TFF3: variants seen among roughly 807,000 people sequenced by gnomAD.
TFF3 encodes the protein polypeptide P1.B.
TFF3 carries 6 observed loss-of-function variants against 9.7 expected under a neutral mutation model. That is an observed-to-expected ratio of 0.62 (90% confidence interval 0.34 to 1.22). The LOEUF (loss-of-function observed/expected upper bound fraction) is 1.22, where lower values mean the gene tolerates loss of function less well. TFF3 is among the 50% of genes most tolerant of loss of function. TFF3 has a pLI of 0.04. For synonymous variants in TFF3, 48 were observed against 41.4 expected (o/e 1.16, Z -0.61); for missense variants, 93 against 98.6 (o/e 0.94, Z 0.24).
chr21:42,312,402 C>A, intron 2 of TFF3, 133 bp from the exon 3 acceptor site: 1 of 1,065,528 alleles, frequency 9.4e-7, no homozygotes, highest in Non-Finnish European at 1.4e-6. Context: ...AGTGTTGAGT[C>A]CCCACCACAT....
Position 42,312,189 on chromosome 21 carries a change from A to G in TFF3, c.*67T>C. On this transcript the variant is annotated 3_prime_UTR_variant, in exon 3 of 3. Coordinates refer to ENST00000518498, the MANE Select transcript of TFF3 (RefSeq NM_003226.4). ...AAAGCTGAGATGAACAGTGCCTGGC[A>G]GCAATCACAGCCGGGCAAGGGTGCT... The G allele has an allele frequency of 1.2e-6, 2 of 1,604,902 alleles. No individual in the cohort carries two copies. The highest frequency in any genetic ancestry group is 1.1e-5 in the South Asian group (1 of 90,916).
At position 42,313,365 on chromosome 21, in the gene TFF3, T is replaced by A; in HGVS notation, c.229+120A>T. 8.1e-7 allele frequency: 1 copy of A among 1,230,086 alleles called. No homozygotes were observed. The highest frequency in any genetic ancestry group is 1.6e-5 in the South Asian group (1 of 64,356). The allele number at this position is 1,230,086 out of a possible 1,614,324, so 76.2% of individuals were successfully genotyped here. ...CTGCTCTGAGGCCTTGGAACAGGTGTGTGTGTGTGGCTTCCTGGGGTCCTT... is the reference window on the plus strand; with the variant it reads ...CTGCTCTGAGGCCTTGGAACAGGTGAGTGTGTGTGGCTTCCTGGGGTCCTT... On this transcript the variant is annotated intron_variant, in intron 2 of 2. Transcript: ENST00000518498. The surrounding 1 kb of genome is among the most constrained non-coding windows in gnomAD (Gnocchi z 4.0).
Position 42,311,716 on chromosome 21 carries a change from T to C in TFF3, c.*540A>G, listed in dbSNP as rs1432678659. 1.7e-5 allele frequency: 3 copies of C among 180,240 alleles called. No homozygotes were observed. The highest frequency in any genetic ancestry group is 7.2e-5 in the African/African-American group (3 of 41,752). 11.2% of individuals were successfully genotyped at this position (180,240 alleles called of 1,614,324 possible). A position where few individuals can be genotyped will look rare whatever the true frequency, so the allele number is the denominator to read the frequency against. ...TGTACAAAGAAACAAAACCCAGGAA[T>C]AGTACAAGTATTGAACAGTAGCGAG... is the stretch of plus-strand genomic sequence containing the variant. On this transcript the variant is annotated 3_prime_UTR_variant, in exon 3 of 3. Coordinates refer to ENST00000518498, the MANE Select transcript of TFF3 (RefSeq NM_003226.4).
At chr21:42,312,384 C>A (rs923624849) in intron 2 of TFF3, 115 bp from the exon 3 acceptor site, 1 of 1,310,246 alleles carries the variant, frequency 7.6e-7, no homozygotes, top group South Asian at 1.4e-5. Flanking sequence ...TCCCCAGAGT[C>A]ACCGGGGAGT....
chr21:42,313,557 T>G lies in TFF3; in HGVS notation c.157A>C (p.Asn53His). ...GAGTCAAAGCAGCAGCCCCGGTTGTTGCACTCCTTGGGGGTGACATGGGGG... is the reference window on the plus strand; with the variant it reads ...GAGTCAAAGCAGCAGCCCCGGTTGTGGCACTCCTTGGGGGTGACATGGGGG... ...GYPHVTPKECNNRGCCFDSRI... is the reference protein window; with the variant it reads ...GYPHVTPKECHNRGCCFDSRI... The change falls in exon 2 of 3, where the codon AAC becomes CAC. Residue 53 changes from asparagine (N) to histidine (H), a missense_variant. Asn to His is a moderately conservative substitution (Grantham distance 68). Coordinates refer to ENST00000518498, the MANE Select transcript of TFF3 (RefSeq NM_003226.4). The surrounding 1 kb of genome is among the most constrained non-coding windows in gnomAD (Gnocchi z 4.0). 6.2e-7 allele frequency: 1 copy of G among 1,611,188 alleles called. No homozygotes were observed. The highest frequency in any genetic ancestry group is 1.1e-5 in the South Asian group (1 of 90,802).
chr21:42,311,739 G>A lies in TFF3; in HGVS notation c.*517C>T, dbSNP rs1484573274. 2 of 240,832 alleles carry A rather than the reference G, an allele frequency of 8.3e-6. No homozygotes were observed. Among genetic ancestry groups the A allele is most frequent in the East Asian group, 1.2e-4 (1 of 8,070 alleles). The allele number at this position is 240,832 out of a possible 1,614,324, so 14.9% of individuals were successfully genotyped here. A position where few individuals can be genotyped will look rare whatever the true frequency, so the allele number is the denominator to read the frequency against. On this transcript the variant is annotated 3_prime_UTR_variant, in exon 3 of 3. Transcript: ENST00000518498. Reference sequence around the variant, plus strand: ...AATAGTACAAGTATTGAACAGTAGCGAGAGTGGTTGTGAAATAAAGGACCA... The same window carrying A: ...AATAGTACAAGTATTGAACAGTAGCAAGAGTGGTTGTGAAATAAAGGACCA...
chr21:42,313,454 G>A lies in TFF3; in HGVS notation c.229+31C>T, dbSNP rs2069341801. The stretch of plus-strand genomic sequence containing the variant: ...TGAGACCCCCTGCCTTATGGGGCTG[G>A]GCCCAGACCACGATGCCACTGGGGC... On this transcript the variant is annotated intron_variant, in intron 2 of 2. Coordinates refer to ENST00000518498, the MANE Select transcript of TFF3 (RefSeq NM_003226.4). The surrounding 1 kb of genome is among the most constrained non-coding windows in gnomAD (Gnocchi z 4.0). The A allele has an allele frequency of 1.3e-6, 2 of 1,587,832 alleles. No homozygotes were observed. The highest frequency in any genetic ancestry group is 1.7e-6 in the Non-Finnish European group (2 of 1,167,392).
chr21:42,312,693 G>A (rs548011890), intron 2 of TFF3, among the ~76,000 whole-genome samples: 4 of 152,250 alleles, frequency 2.6e-5, no homozygotes, highest in South Asian at 4.2e-4. Flanking sequence ...TCAGGGAGCC[G>A]GGGCCAGCAG....
Position 42,313,784 on chromosome 21 carries a change from T to C in TFF3, c.83-153A>G, listed in dbSNP as rs376416103. The C allele has an allele frequency of 3.7e-6, 3 of 802,818 alleles. No individual in the cohort carries two copies. In the African/African-American group the frequency reaches 5.4e-5, roughly 14 times the overall value. 49.7% of individuals were successfully genotyped at this position (802,818 alleles called of 1,614,324 possible). A position where few individuals can be genotyped will look rare whatever the true frequency, so the allele number is the denominator to read the frequency against. On this transcript the variant is annotated intron_variant, in intron 1 of 2. Transcript: ENST00000518498. The surrounding 1 kb of genome is among the most constrained non-coding windows in gnomAD (Gnocchi z 4.0). ...CCCTCGCCCTTAGGAAGATGCACTT[T>C]CCCTGTGAATATTTAAAGAGAGGCA... is the stretch of plus-strand genomic sequence containing the variant.
chr21:42,314,226 CTGAG>C (rs1235677252), intron 1 of TFF3, among the ~76,000 whole-genome samples: 1 of 152,226 alleles, frequency 6.6e-6, no homozygotes, highest in African/African-American at 2.4e-5. Flanking sequence ...CATTAACGAA[CTGAG>C]TATTTCCTTA....
Position 42,315,384 on chromosome 21 carries a change from G to A in TFF3, c.-10C>T. 6.2e-7 allele frequency: 1 copy of A among 1,614,164 alleles called. No individual in the cohort carries two copies. The highest frequency in any genetic ancestry group is 8.5e-7 in the Non-Finnish European group (1 of 1,180,008). On this transcript the variant is annotated 5_prime_UTR_variant, in exon 1 of 3. Coordinates refer to ENST00000518498, the MANE Select transcript of TFF3 (RefSeq NM_003226.4). ...GCGCTCTGGCAGCCATGACCACCGT[G>A]GGCTCCGGGACGCAGCTCAGGACTC...
Position 42,311,866 on chromosome 21 carries a change from G to C in TFF3, c.*390C>G. The C allele has an allele frequency of 2.7e-6, 1 of 365,160 alleles. No individual in the cohort carries two copies. Among genetic ancestry groups the C allele is most frequent in the Non-Finnish European group, 5.0e-6 (1 of 198,212 alleles). The allele number at this position is 365,160 out of a possible 1,614,324, so 22.6% of individuals were successfully genotyped here. On this transcript the variant is annotated 3_prime_UTR_variant, in exon 3 of 3. Coordinates refer to ENST00000518498, the MANE Select transcript of TFF3 (RefSeq NM_003226.4). ...GTATTTTTTCTGCTTTCCCGAGGAAGCGGCACTTACAGTGTTCCTAGGCTT... is the reference window on the plus strand; with the variant it reads ...GTATTTTTTCTGCTTTCCCGAGGAACCGGCACTTACAGTGTTCCTAGGCTT...
intron 1 of TFF3, among the ~76,000 whole-genome samples, chr21:42,314,894 T>A (rs2069350091): frequency 6.6e-6 from 1 of 152,210 alleles, no homozygotes; most frequent in Non-Finnish European, 1.5e-5. Flanking sequence ...TAAATGAACC[T>A]TGTGCCTGCC....
chr21:42,315,404 G>GGACTCGCTTCATGGTCCAGGA lies in TFF3; in HGVS notation c.-31_-30insTCCTGGACCATGAAGCGAGTC. On this transcript the variant is annotated 5_prime_UTR_variant, in exon 1 of 3. The change creates a new upstream start codon in the 5' untranslated region. Transcript: ENST00000518498. ...ACCGTGGGCTCCGGGACGCAGCTCA[G>GGACTCGCTTCATGGTCCAGGA]GACTCGCTTCATGGTCCAGGAGGCC... The GGACTCGCTTCATGGTCCAGGA allele has an allele frequency of 3.1e-6, 5 of 1,614,186 alleles. No individual in the cohort carries two copies. The highest frequency in any genetic ancestry group is 4.2e-6 in the Non-Finnish European group (5 of 1,180,032).
At chr21:42,315,197 G>A in intron 1 of TFF3, 96 bp downstream of exon 1, 1 of 1,452,222 alleles carries the variant, frequency 6.9e-7, no homozygotes, top group South Asian at 1.4e-5. Flanking sequence ...ATATGTGACA[G>A]GTGGCCATTA....
At chr21:42,314,998 T>C (rs2069350529) in intron 1 of TFF3, among the ~76,000 whole-genome samples, 1 of 152,206 alleles carries the variant, frequency 6.6e-6, no homozygotes, top group African/African-American at 2.4e-5. Context: ...TATATTGTAA[T>C]TTAGAAATCT....
Position 42,315,318 on chromosome 21 carries a change from G to A in TFF3, c.57C>T (p.Ser19=). The change falls in exon 1 of 3, where the codon AGC becomes AGT. Residue 19 remains serine, a synonymous_variant. Transcript: ENST00000518498. ...LGLVLALLSS[S]SAEEYVGLSA... Reference sequence around the variant, plus strand: ...ACAGGCCCACGTACTCCTCAGCAGAGCTGGAGGACAGCAAGGCCAGGACCA... The same window carrying A: ...ACAGGCCCACGTACTCCTCAGCAGAACTGGAGGACAGCAAGGCCAGGACCA... 6.2e-7 allele frequency: 1 copy of A among 1,613,992 alleles called. No individual in the cohort carries two copies. Among genetic ancestry groups the A allele is most frequent in the Non-Finnish European group, 8.5e-7 (1 of 1,180,038 alleles).
intron 2 of TFF3, among the ~76,000 whole-genome samples, chr21:42,312,847 C>T (rs1181297343): frequency 2.0e-5 from 3 of 152,136 alleles, no homozygotes; most frequent in South Asian, 2.1e-4. Context: ...TATAGCCAAT[C>T]GCCCCACCCA....
chr21:42,313,473 C>G lies in TFF3; in HGVS notation c.229+12G>C. ...GGGCTGGGCCCAGACCACGATGCCA[C>G]TGGGGCCTTACCTGCTTCCTGCAGG... On this transcript the variant is annotated intron_variant, in intron 2 of 2. Coordinates refer to ENST00000518498, the MANE Select transcript of TFF3 (RefSeq NM_003226.4). This position sits in a 1 kb window ranked among gnomAD's most constrained non-coding sequence, Gnocchi z 4.0. The G allele has an allele frequency of 6.2e-7, 1 of 1,603,378 alleles. No homozygotes were observed.
Sources: allele counts gnomAD v4.1 joint callset (sites outside exome capture counted in the v4.1 genomes callset), GRCh38; gene constraint gnomAD v4.1.1; non-coding constraint Gnocchi (gnomAD v3.1); transcripts MANE v1.5; gene names NCBI Gene and HGNC (gene_info 2026-07-23, HGNC 2026-07-21).